Variants in RAB6D observed in about 807,000 individuals in gnomAD.
RAB6D encodes ras-related protein Rab-6D.
In RAB6D, 11 loss-of-function variants were observed where a neutral mutation model predicts 17.5. The observed-to-expected ratio is 0.63, with a 90% CI of 0.39 to 1.04. RAB6D has a LOEUF of 1.04. Among genes scored for constraint, RAB6D ranks in the 50% least tolerant of loss-of-function variants. The pLI is 0.00. For missense variants in RAB6D, 163 were observed against 315.1 expected, an observed-to-expected ratio of 0.52 and a Z score of 3.65; for synonymous variants, 68 against 122.6, an observed-to-expected ratio of 0.55 and a Z score of 2.94.
Position 131,363,628 on chromosome 2 carries a change from G to A in RAB6D, c.93C>T (p.Thr31=), listed in dbSNP as rs1320676486. The A allele has an allele frequency of 1.4e-5, 20 of 1,447,782 alleles. 1 individual carries two copies. Among genetic ancestry groups the A allele is most frequent in the South Asian group, 9.6e-5 (8 of 83,374 alleles). The allele number at this position is 1,447,782 out of a possible 1,614,324, so 89.7% of individuals were successfully genotyped here. A position where few individuals can be genotyped will look rare whatever the true frequency, so the allele number is the denominator to read the frequency against. ...EQSVAKTSLI[T]RFRYDSFDNT... is the part of the protein sequence containing the mutation. ...TGTCAAAACTGTCATACCTGAATCTGGTGATCAAAGATGTCTTTGCAACGC... is the reference window on the plus strand; with the variant it reads ...TGTCAAAACTGTCATACCTGAATCTAGTGATCAAAGATGTCTTTGCAACGC... The change falls in exon 1 of 1, where the codon ACC becomes ACT. Residue 31 remains threonine, a synonymous_variant. Transcript: ENST00000623617.
rs919630075 is a variant in RAB6D, at chr2:131,364,125, A to AGCC, written c.-408_-406dup. Reference sequence around the variant, plus strand: ...TCACGCGCGGCGCTTCGGCTTCCCCAGCCGCCGCCGCCGCAGCCCAACCTG... The same window carrying AGCC: ...TCACGCGCGGCGCTTCGGCTTCCCCAGCCGCCGCCGCCGCCGCAGCCCAACCTG... On this transcript the variant is annotated 5_prime_UTR_variant, in exon 1 of 1. Transcript: ENST00000623617. The AGCC allele has an allele frequency of 5.5e-5, 13 of 235,898 alleles. No homozygotes were observed. Among genetic ancestry groups the AGCC allele is most frequent in the African/African-American group, 1.8e-4 (8 of 43,372 alleles). 14.6% of individuals were successfully genotyped at this position (235,898 alleles called of 1,614,324 possible).
Position 131,363,579 on chromosome 2 carries a change from T to C in RAB6D, c.142A>G (p.Ile48Val), listed in dbSNP as rs1339650011. Residue 48 changes from isoleucine to valine, a missense_variant, in exon 1 of 1, where the codon ATT becomes GTT. Physicochemically the swap from Ile to Val is conservative, Grantham distance 29. Transcript: ENST00000623617. ...TACATAGTTTTTGATAAAAAGTCAA[T>C]GCCAATTATTGCCTGATAGGTGTTG... is the stretch of plus-strand genomic sequence containing the variant. Reference protein sequence around the residue: ...FDNTYQAIIGIDFLSKTMYLE... With the variant: ...FDNTYQAIIGVDFLSKTMYLE... 2 of 1,544,842 alleles carry C rather than the reference T, an allele frequency of 1.3e-6. No individual in the cohort carries two copies. Among genetic ancestry groups the C allele is most frequent in the Non-Finnish European group, 1.8e-6 (2 of 1,121,166 alleles).
In RAB6D at chr2:131,363,557, A is replaced by T; in HGVS notation, c.164T>A (p.Met55Lys). The change falls in exon 1 of 1, where the codon ATG becomes AAG. Residue 55 changes from methionine (M) to lysine (K), a missense_variant. By Grantham distance (95) the Met-to-Lys change is moderately conservative. Transcript: ENST00000623617. ...IIGIDFLSKT[M>K]YLEDGTIGLR... is the part of the protein sequence containing the mutation. The stretch of plus-strand genomic sequence containing the variant: ...CCCGATTGTTCCATCCTCCAAGTAC[A>T]TAGTTTTTGATAAAAAGTCAATGCC... The T allele has an allele frequency of 6.3e-7, 1 of 1,580,066 alleles. No homozygotes were observed. The highest frequency in any genetic ancestry group is 8.7e-7 in the Non-Finnish European group (1 of 1,153,140).
chr2:131,361,149 C>T lies in RAB6D; in HGVS notation c.*1807G>A, dbSNP rs1363298568. The T allele has an allele frequency of 6.0e-6, 1 of 167,022 alleles. No homozygotes were observed. Among genetic ancestry groups the T allele is most frequent in the East Asian group, 1.9e-4 (1 of 5,208 alleles). 10.3% of individuals were successfully genotyped at this position (167,022 alleles called of 1,614,324 possible). A position where few individuals can be genotyped will look rare whatever the true frequency, so the allele number is the denominator to read the frequency against. On this transcript the variant is annotated 3_prime_UTR_variant, in exon 1 of 1. Coordinates refer to ENST00000623617, the MANE Select transcript of RAB6D (RefSeq NM_001077637.3). ...ATATTTATTTCAGGACATGCCATGT[C>T]AAAATAAAACAGAGTCAACCCTTGC... is the stretch of plus-strand genomic sequence containing the variant.
rs1455118873 is a variant in RAB6D at position 131,363,119 on chromosome 2, A to G, written c.602T>C (p.Val201Ala). ...IKLEKPQEQT[V>A]SEGGCSCYSP... ...GTAGCAGGAACAACCCCCTTCGCTG[A>G]CTGTTTGCTCCTGAGGCTTTTCCAG... Residue 201 changes from valine (V) to alanine (A), a missense_variant, in exon 1 of 1, where the codon GTC becomes GCC. This residue lies in a region of RAB6D where 144 missense variants were observed against 244.4 expected (regional missense o/e 0.59). Coordinates refer to ENST00000623617, the MANE Select transcript of RAB6D (RefSeq NM_001077637.3). 1.9e-6 allele frequency: 3 copies of G among 1,606,570 alleles called. No homozygotes were observed. The East Asian group carries it at 6.7e-5, about 36-fold the overall frequency.
Position 131,363,865 on chromosome 2 carries a change from G to T in RAB6D, c.-145C>A. The T allele has an allele frequency of 3.0e-6, 4 of 1,345,656 alleles. No individual in the cohort carries two copies. The highest frequency in any genetic ancestry group is 3.0e-6 in the Non-Finnish European group (3 of 996,568). 83.4% of individuals were successfully genotyped at this position (1,345,656 alleles called of 1,614,324 possible). The stretch of plus-strand genomic sequence containing the variant: ...AAGGGCCGGTGGAGGAGCCCGGCTG[G>T]AGGGCAGCAGGACTCTCCACAGACT... On this transcript the variant is annotated 5_prime_UTR_variant, in exon 1 of 1. Transcript: ENST00000623617.
chr2:131,363,470 C>G lies in RAB6D; in HGVS notation c.251G>C (p.Arg84Pro), dbSNP rs1470230255. The change falls in exon 1 of 1, where the codon CGT becomes CCT. Residue 84 changes from arginine to proline, a missense_variant. Physicochemically the swap from Arg to Pro is moderately radical, Grantham distance 103. This residue lies in a region of RAB6D where 144 missense variants were observed against 244.4 expected (regional missense o/e 0.59). Coordinates refer to ENST00000623617, the MANE Select transcript of RAB6D (RefSeq NM_001077637.3). ...AACTACTACAGCTGCAGCAGAATCA[C>G]GGATGTACCTGGGAATGAGGCTACG... ...RLRSLIPRYIRDSAAAVVVYD... is the reference protein window; with the variant it reads ...RLRSLIPRYIPDSAAAVVVYD... 7 of 1,607,422 alleles carry G rather than the reference C, an allele frequency of 4.4e-6. No homozygotes were observed. The highest frequency in any genetic ancestry group is 5.9e-6 in the Non-Finnish European group (7 of 1,177,924).
Position 131,362,945 on chromosome 2 carries a change from A to ACTTGAGCCCGGGAAGTCG in RAB6D, c.*10_*11insCGACTTCCCGGGCTCAAG, listed in dbSNP as rs1703442666. 6.3e-7 allele frequency: 1 copy of ACTTGAGCCCGGGAAGTCG among 1,595,014 alleles called. No individual in the cohort carries two copies. Among genetic ancestry groups the ACTTGAGCCCGGGAAGTCG allele is most frequent in the East Asian group, 2.2e-5 (1 of 44,576 alleles). On this transcript the variant is annotated 3_prime_UTR_variant, in exon 1 of 1. Coordinates refer to ENST00000623617, the MANE Select transcript of RAB6D (RefSeq NM_001077637.3). Reference sequence around the variant, plus strand: ...GACGCTGACTTTTTTTGTGCTTGTCAAGCTAATAGATCATCTCCACGAGAC... The same window carrying ACTTGAGCCCGGGAAGTCG: ...GACGCTGACTTTTTTTGTGCTTGTCACTTGAGCCCGGGAAGTCGAGCTAATAGATCATCTCCACGAGAC...
In RAB6D at chr2:131,363,306, C is replaced by A. The variant is rs750740983; in HGVS notation, c.415G>T (p.Glu139Ter). 1 of 1,614,174 alleles carries A rather than the reference C, an allele frequency of 6.2e-7. No individual in the cohort carries two copies. Among genetic ancestry groups the A allele is most frequent in the African/African-American group, 1.3e-5 (1 of 74,992 alleles). ...DLADKRQVSI[E>*]EGERKAKGLN... ...CCTTTGGCTTTCCTCTCTCCCTCCTCAATTGACACTTGCCTCTTGTCAGCA... is the reference window on the plus strand; with the variant it reads ...CCTTTGGCTTTCCTCTCTCCCTCCTAAATTGACACTTGCCTCTTGTCAGCA... Residue 139 changes from glutamate (E) to a stop codon, truncating the protein, a stop_gained, in exon 1 of 1, where the codon GAG becomes TAG. Coordinates refer to ENST00000623617, the MANE Select transcript of RAB6D (RefSeq NM_001077637.3). LOFTEE classifies it high-confidence loss of function.
rs2105214305 is a variant in RAB6D at position 131,361,279 on chromosome 2, A to G, written c.*1677T>C. The G allele has an allele frequency of 6.0e-6, 1 of 167,228 alleles. No homozygotes were observed. The highest frequency in any genetic ancestry group is 6.5e-5 in the Admixed American group (1 of 15,310). 10.4% of individuals were successfully genotyped at this position (167,228 alleles called of 1,614,324 possible). A position where few individuals can be genotyped will look rare whatever the true frequency, so the allele number is the denominator to read the frequency against. On this transcript the variant is annotated 3_prime_UTR_variant, in exon 1 of 1. Coordinates refer to ENST00000623617, the MANE Select transcript of RAB6D (RefSeq NM_001077637.3). Reference sequence around the variant, plus strand: ...AATGATTATCTGTAAGCATTTCTCTATTCAGATCCATAATCCAAGTGCTCT... The same window carrying G: ...AATGATTATCTGTAAGCATTTCTCTGTTCAGATCCATAATCCAAGTGCTCT...
Position 131,362,792 on chromosome 2 carries a change from A to C in RAB6D, c.*164T>G. 1 of 798,406 alleles carries C rather than the reference A, an allele frequency of 1.3e-6. No homozygotes were observed. Among genetic ancestry groups the C allele is most frequent in the Non-Finnish European group, 2.0e-6 (1 of 507,988 alleles). 49.5% of individuals were successfully genotyped at this position (798,406 alleles called of 1,614,324 possible). On this transcript the variant is annotated 3_prime_UTR_variant, in exon 1 of 1. Coordinates refer to ENST00000623617, the MANE Select transcript of RAB6D (RefSeq NM_001077637.3). ...CCATACTCATACTGTTGAGATTTCCATCATTTTGAAGTACATTATCATAAC... is the reference window on the plus strand; with the variant it reads ...CCATACTCATACTGTTGAGATTTCCCTCATTTTGAAGTACATTATCATAAC...
chr2:131,360,633 GAAT>G lies in RAB6D; in HGVS notation c.*2320_*2322del, dbSNP rs1391925386. 3.9e-5 allele frequency among the ~76,000 whole-genome samples: 6 copies of G among 151,988 alleles called. 1 individual carries two copies. Among genetic ancestry groups the G allele is most frequent in the South Asian group, 2.1e-4 (1 of 4,810 alleles). ...CAGCAATGTGTTAAAGAATTATAAA[GAAT>G]AATACAAATAACACAATTTAATGAA... is the stretch of plus-strand genomic sequence containing the variant. On this transcript the variant is annotated 3_prime_UTR_variant, in exon 1 of 1. Transcript: ENST00000623617.
chr2:131,362,289 T>G lies in RAB6D; in HGVS notation c.*667A>C, dbSNP rs1573802073. The G allele has an allele frequency of 1.2e-5, 2 of 167,172 alleles. No individual in the cohort carries two copies. Among genetic ancestry groups the G allele is most frequent in the East Asian group, 1.9e-4 (1 of 5,206 alleles). 10.4% of individuals were successfully genotyped at this position (167,172 alleles called of 1,614,324 possible). A position where few individuals can be genotyped will look rare whatever the true frequency, so the allele number is the denominator to read the frequency against. On this transcript the variant is annotated 3_prime_UTR_variant, in exon 1 of 1. Coordinates refer to ENST00000623617, the MANE Select transcript of RAB6D (RefSeq NM_001077637.3). ...AACGTCATTATCTTACCATGAAGAA[T>G]TAAATACTAAAAACCTGTTCTGAAG...
chr2:131,363,711 CCG>C lies in RAB6D; in HGVS notation c.8_9del (p.Ala3GlyfsTer33). The C allele has an allele frequency of 7.1e-7, 1 of 1,404,380 alleles. No homozygotes were observed. The highest frequency in any genetic ancestry group is 2.5e-5 in the East Asian group (1 of 40,750). 87.0% of individuals were successfully genotyped at this position (1,404,380 alleles called of 1,614,324 possible). On this transcript the variant is annotated frameshift_variant, in exon 1 of 1. Coordinates refer to ENST00000623617, the MANE Select transcript of RAB6D (RefSeq NM_001077637.3). LOFTEE classifies it high-confidence loss of function. Reference sequence around the variant, plus strand: ...CTCAGCGGATTCCCGAAGTCTCCGCCCGCGGACATGGTGGAACTAGAGGAGCT... The same window carrying C: ...CTCAGCGGATTCCCGAAGTCTCCGCCCGGACATGGTGGAACTAGAGGAGCT... Reference protein sequence around the residue: MSAGGDFGNPLRK... With the variant: MSXGGDFGNPLRK...
rs1257215047 is a variant in RAB6D at position 131,360,734 on chromosome 2, G to A, written c.*2222C>T. ...ATATAATGCCTAATATTGGTAATCAGGGAAATGCTATTAAACATAGCATAG... is the reference window on the plus strand; with the variant it reads ...ATATAATGCCTAATATTGGTAATCAAGGAAATGCTATTAAACATAGCATAG... On this transcript the variant is annotated 3_prime_UTR_variant, in exon 1 of 1. Coordinates refer to ENST00000623617, the MANE Select transcript of RAB6D (RefSeq NM_001077637.3). Among the ~76,000 whole-genome samples, 5 of 152,238 alleles carry A rather than the reference G, an allele frequency of 3.3e-5. No individual in the cohort carries two copies. The South Asian group carries it at 1.0e-3, about 32-fold the overall frequency.
At position 131,363,964 on chromosome 2, in the gene RAB6D, G is replaced by T. The variant is rs549736587; in HGVS notation, c.-244C>A. On this transcript the variant is annotated 5_prime_UTR_variant, in exon 1 of 1. Coordinates refer to ENST00000623617, the MANE Select transcript of RAB6D (RefSeq NM_001077637.3). ...CCGCGGCTGGGAAGGGAAGGAGGGC[G>T]GTGTCGGCAGGAGCCAGGGGTGTGC... 4,471 of 629,906 alleles carry T rather than the reference G, an allele frequency of 7.1e-3. 143 individuals carry two copies. The African/African-American group carries it at 0.073, about 10-fold the overall frequency. The allele number at this position is 629,906 out of a possible 1,614,324, so 39.0% of individuals were successfully genotyped here.
Position 131,364,091 on chromosome 2 carries a change from T to G in RAB6D, c.-371A>C. On this transcript the variant is annotated 5_prime_UTR_variant, in exon 1 of 1. Transcript: ENST00000623617. ...GCGGAGCCGGAACCGCAGACGTATC[T>G]GGGATCTCTCACGCGCGGCGCTTCG... 1 of 112,396 alleles carries G rather than the reference T, an allele frequency of 8.9e-6. No homozygotes were observed. Among genetic ancestry groups the G allele is most frequent in the Admixed American group, 1.9e-4 (1 of 5,362 alleles). 7.0% of individuals were successfully genotyped at this position (112,396 alleles called of 1,614,324 possible).
Position 131,363,497 on chromosome 2 carries a change from A to C in RAB6D, c.224T>G (p.Leu75Arg). ...RLWDTAGQER[L>R]RSLIPRYIRD... ...GATGTACCTGGGAATGAGGCTACGGAGACGTTCCTGACCCGCCGTATCCCA... is the reference window on the plus strand; with the variant it reads ...GATGTACCTGGGAATGAGGCTACGGCGACGTTCCTGACCCGCCGTATCCCA... Residue 75 changes from leucine to arginine, a missense_variant, in exon 1 of 1, where the codon CTC becomes CGC. Around this residue, in one of 2 missense-constraint regions of RAB6D, gnomAD observed 144 missense variants for 244.4 expected, o/e 0.59. Coordinates refer to ENST00000623617, the MANE Select transcript of RAB6D (RefSeq NM_001077637.3). 6.3e-7 allele frequency: 1 copy of C among 1,589,854 alleles called. No homozygotes were observed.
chr2:131,363,706 T>A lies in RAB6D; in HGVS notation c.15A>T (p.Gly5=). 7.1e-7 allele frequency: 1 copy of A among 1,416,584 alleles called. No homozygotes were observed. Among genetic ancestry groups the A allele is most frequent in the South Asian group, 1.4e-5 (1 of 73,690 alleles). 87.8% of individuals were successfully genotyped at this position (1,416,584 alleles called of 1,614,324 possible). The part of the protein sequence containing the change: MSAG[G]DFGNPLRKFK... ...ATTTCCTCAGCGGATTCCCGAAGTCTCCGCCCGCGGACATGGTGGAACTAG... is the reference window on the plus strand; with the variant it reads ...ATTTCCTCAGCGGATTCCCGAAGTCACCGCCCGCGGACATGGTGGAACTAG... The change falls in exon 1 of 1, where the codon GGA becomes GGT. Residue 5 remains glycine (G), a synonymous_variant. Coordinates refer to ENST00000623617, the MANE Select transcript of RAB6D (RefSeq NM_001077637.3).
Sources: allele counts gnomAD v4.1 joint callset (sites outside exome capture counted in the v4.1 genomes callset), GRCh38; gene constraint gnomAD v4.1.1; regional missense constraint gnomAD v4.1.1; transcripts MANE v1.5; gene names NCBI Gene and HGNC (gene_info 2026-07-23, HGNC 2026-07-21).